SDK2: variants seen among roughly 807,000 people sequenced by gnomAD.
The protein encoded by SDK2 is protein sidekick-2.
In SDK2, 105 loss-of-function variants were observed where a neutral mutation model predicts 253.9. The observed-to-expected ratio is 0.41, with a 90% CI of 0.35 to 0.49. The LOEUF is 0.49. SDK2 is among the 20% of genes least tolerant of loss of function. The pLI is 0.06. For missense variants in SDK2, 2,608 were observed against 3,003.0 expected, an observed-to-expected ratio of 0.87 and a Z score of 3.07; for synonymous variants, 1,249 against 1,234.9, an observed-to-expected ratio of 1.01 and a Z score of -0.24.
At chr17:73,525,850 C>T (rs1278040760) in intron 1 of SDK2, among the ~76,000 whole-genome samples, 1 of 152,316 alleles carries the variant, frequency 6.6e-6, no homozygotes, top group South Asian at 2.1e-4. Flanking sequence ...GCATTTCAAC[C>T]ATTCATTCTT....
At chr17:73,550,626 T>C (rs2045040286) in intron 1 of SDK2, among the ~76,000 whole-genome samples, 1 of 152,158 alleles carries the variant, frequency 6.6e-6, no homozygotes, top group South Asian at 2.1e-4. Context: ...CACACGTCTC[T>C]TCCTGGGATG....
At chr17:73,381,504 C>T (rs2062830171) in intron 33 of SDK2, among the ~76,000 whole-genome samples, 1 of 152,072 alleles carries the variant, frequency 6.6e-6, no homozygotes, top group African/African-American at 2.4e-5. Context: ...TCCTTTGCTA[C>T]ATGCTCATCA....
chr17:73,358,744 TA>T (rs1185562156), intron 39 of SDK2, among the ~76,000 whole-genome samples: 1 of 152,032 alleles, frequency 6.6e-6, no homozygotes, highest in African/African-American at 2.4e-5. Context: ...CATTCCTGCC[TA>T]AAATCCCCCA....
At chr17:73,400,966 T>C in intron 21 of SDK2, 54 bp downstream of exon 21, 2 of 1,499,782 alleles carry the variant, frequency 1.3e-6, no homozygotes, top group Non-Finnish European at 1.8e-6. Flanking sequence ...GCCTCTTGAA[T>C]GGGACGCTGC....
intron 3 of SDK2, among the ~76,000 whole-genome samples, 189 bp downstream of exon 3, chr17:73,471,923 G>C (rs1387512177): frequency 6.6e-6 from 1 of 152,158 alleles, no homozygotes; most frequent in Admixed American, 6.5e-5. Flanking sequence ...CCTTGAAGAG[G>C]GCCTGCTACC....
chr17:73,555,594 G>T (rs1030625531), intron 1 of SDK2, among the ~76,000 whole-genome samples: 2 of 152,176 alleles, frequency 1.3e-5, no homozygotes, highest in Non-Finnish European at 2.9e-5. Flanking sequence ...AAGAATGGTG[G>T]ATTAGCCTGA....
intron 1 of SDK2, among the ~76,000 whole-genome samples, chr17:73,596,393 C>T (rs968986952): frequency 6.6e-5 from 10 of 152,146 alleles, no homozygotes; most frequent in African/African-American, 2.2e-4. Context: ...GAACATTGGC[C>T]GGAGCTCCAG....
intron 1 of SDK2, among the ~76,000 whole-genome samples, chr17:73,604,482 C>A (rs183806767): frequency 3.9e-5 from 6 of 152,186 alleles, no homozygotes; most frequent in Non-Finnish European, 7.3e-5. Context: ...CCCCAAAGGC[C>A]GGTGGGCAGC....
intron 1 of SDK2, among the ~76,000 whole-genome samples, chr17:73,507,954 G>T (rs2063949040): frequency 6.6e-6 from 1 of 152,166 alleles, no homozygotes; most frequent in African/African-American, 2.4e-5. Flanking sequence ...GAGGCAAGAG[G>T]GGCACTTTCT....
rs2046373059 is a variant in SDK2 at position 73,639,619 on chromosome 17, C to T, written c.64+4406G>A. On this transcript the variant is annotated intron_variant, in intron 1 of 44. Coordinates refer to ENST00000392650, the MANE Select transcript of SDK2 (RefSeq NM_001144952.2). The surrounding 1 kb of genome is among the most constrained non-coding windows in gnomAD (Gnocchi z 4.3). Reference sequence around the variant, plus strand: ...CAGGGCTGTCTGTGGCAACATGCTCCAGGGGGAGCGGGGTAGAAACCCCGC... The same window carrying T: ...CAGGGCTGTCTGTGGCAACATGCTCTAGGGGGAGCGGGGTAGAAACCCCGC... Among the ~76,000 whole-genome samples, 3 of 152,138 alleles carry T rather than the reference C, an allele frequency of 2.0e-5. No homozygotes were observed. The highest frequency in any genetic ancestry group is 1.3e-4 in the Admixed American group (2 of 15,280).
At chr17:73,366,878 T>C (rs1049182613) in intron 37 of SDK2, among the ~76,000 whole-genome samples, 10 of 152,136 alleles carry the variant, frequency 6.6e-5, no homozygotes, top group African/African-American at 2.4e-4. Flanking sequence ...CTCCCCTCCC[T>C]GCCTCTACTC....
At chr17:73,377,595 A>G (rs1468434666) in intron 36 of SDK2, among the ~76,000 whole-genome samples, 1 of 148,952 alleles carries the variant, frequency 6.7e-6, no homozygotes, top group African/African-American at 2.5e-5. Flanking sequence ...TCGGGGGGTG[A>G]GAGCTGCCAG....
At chr17:73,394,348 G>A in intron 25 of SDK2, 24 bp from the exon 26 acceptor site, 1 of 1,503,350 alleles carries the variant, frequency 6.7e-7, no homozygotes, top group Non-Finnish European at 9.0e-7. Context: ...GGAGTGGAGA[G>A]AAGGCACTCA....
intron 43 of SDK2, among the ~76,000 whole-genome samples, chr17:73,349,232 A>G (rs1431573582): frequency 1.3e-5 from 2 of 152,314 alleles, no homozygotes; most frequent in East Asian, 3.9e-4. Context: ...GGGGGCCTCA[A>G]ACAGCTCTTT....
intron 2 of SDK2, among the ~76,000 whole-genome samples, chr17:73,494,609 G>A (rs1434006333): frequency 6.6e-6 from 1 of 152,182 alleles, no homozygotes; most frequent in East Asian, 1.9e-4. Context: ...AGTCTTAATT[G>A]ACATAATTTT....
At chr17:73,441,260 A>G (rs1410681433) in intron 5 of SDK2, among the ~76,000 whole-genome samples, 1 of 144,766 alleles carries the variant, frequency 6.9e-6, no homozygotes, top group East Asian at 2.2e-4. Context: ...GCCCGGGTTG[A>G]CCTTGTTGGT....
intron 1 of SDK2, among the ~76,000 whole-genome samples, chr17:73,514,522 C>G (rs188752415): frequency 6.6e-6 from 1 of 152,114 alleles, no homozygotes; most frequent in African/African-American, 2.4e-5. Context: ...CCCTGGGAAC[C>G]GCACCTCCTG....
In SDK2 at chr17:73,413,635, C is replaced by T. The variant is rs2063156948; in HGVS notation, c.2484+1009G>A. Among the ~76,000 whole-genome samples, 3 of 152,202 alleles carry T rather than the reference C, an allele frequency of 2.0e-5. 1 individual carries two copies. The highest frequency in any genetic ancestry group is 2.0e-4 in the Admixed American group (3 of 15,268). On this transcript the variant is annotated intron_variant, in intron 18 of 44. Coordinates refer to ENST00000392650, the MANE Select transcript of SDK2 (RefSeq NM_001144952.2). ...TTCCAAGTGGTTATCATGTGTTTGT[C>T]ATTGTGCTGAACAAATTAGAAATAT... is the stretch of plus-strand genomic sequence containing the variant.
At chr17:73,555,705 G>A (rs2045132914) in intron 1 of SDK2, among the ~76,000 whole-genome samples, 2 of 152,206 alleles carry the variant, frequency 1.3e-5, no homozygotes, top group African/African-American at 2.4e-5. Context: ...GCTGCCAGGC[G>A]CCAAGACCAC....
Sources: gnomAD v4.1 joint callset for allele counts (sites outside exome capture counted in the v4.1 genomes callset) on GRCh38, gnomAD v4.1.1 for gene constraint, Gnocchi (gnomAD v3.1) non-coding constraint, MANE v1.5 for transcripts, NCBI Gene and HGNC (gene_info 2026-07-23, HGNC 2026-07-21) for gene names.